The following TULP4 variants were observed in gnomAD, a reference collection of about 807,000 sequenced individuals.
The protein encoded by TULP4 is tubby-related protein 4.
A neutral mutation model predicts 129.0 loss-of-function variants in TULP4; 16 were observed. The observed-to-expected ratio is 0.12, with a 90% CI of 0.08 to 0.19. The LOEUF is 0.19. TULP4 is among the 10% of genes least tolerant of loss of function. The probability of loss-of-function intolerance (pLI) is 1.00; values close to 1 mark genes in which losing one functional copy is unlikely to be tolerated. For missense variants in TULP4, 1,842 were observed against 2,059.1 expected, an observed-to-expected ratio of 0.89 and a Z score of 2.04; for synonymous variants, 998 against 854.0, an observed-to-expected ratio of 1.17 and a Z score of -2.94.
chr6:158,503,639 G>A lies in TULP4; in HGVS notation c.3976G>A (p.Val1326Ile). 4 of 1,614,072 alleles carry A rather than the reference G, an allele frequency of 2.5e-6. No homozygotes were observed. Among genetic ancestry groups the A allele is most frequent in the Non-Finnish European group, 3.4e-6 (4 of 1,180,016 alleles). ...QEVLSLTESPVPQRTEKFGKK... is the reference protein window; with the variant it reads ...QEVLSLTESPIPQRTEKFGKK... ...AGTCCTCTCCCTGACCGAAAGCCCA[G>A]TCCCCCAGCGGACAGAAAAATTTGG... is the stretch of plus-strand genomic sequence containing the variant. The change falls in exon 13 of 14, where the codon GTC becomes ATC. Residue 1326 changes from valine (V) to isoleucine (I), a missense_variant. Transcript: ENST00000367097. This position sits in a 1 kb window ranked among gnomAD's most constrained non-coding sequence, Gnocchi z 4.3.
intron 9 of TULP4, among the ~76,000 whole-genome samples, chr6:158,491,183 G>A (rs959170397): frequency 2.6e-5 from 4 of 152,098 alleles, no homozygotes; most frequent in Non-Finnish European, 4.4e-5. Flanking sequence ...CCTCAGCAGC[G>A]GCTCTGTTGT....
intron 1 of TULP4, chr6:158,238,058 C>A: frequency 1.4e-6 from 1 of 703,758 alleles, no homozygotes; most frequent in South Asian, 1.5e-5. Flanking sequence ...GTGAAGACAT[C>A]AGTGGTACTA....
In TULP4 at chr6:158,509,341, C is replaced by T. The variant is rs1357451240; in HGVS notation, c.*2647C>T. 1 of 151,648 alleles carries T rather than the reference C, an allele frequency of 6.6e-6. No homozygotes were observed. Among genetic ancestry groups the T allele is most frequent in the Non-Finnish European group, 1.5e-5 (1 of 67,910 alleles). The allele number at this position is 151,648 out of a possible 1,614,324, so 9.4% of individuals were successfully genotyped here. ...GATAACACTCAAATAGTATTCTCTT[C>T]TTTTGAAAATTTTATTTTTATCTGA... On this transcript the variant is annotated 3_prime_UTR_variant, in exon 14 of 14. Transcript: ENST00000367097.
At chr6:158,350,265 TCCTCACATCCCAGACGATGGGC>T (rs1780480383) in intron 1 of TULP4, among the ~76,000 whole-genome samples, 2 of 4,490 alleles carry the variant, frequency 4.5e-4, no homozygotes, top group Non-Finnish European at 2.0e-3. Flanking sequence ...GCAGAGGGGC[TCCTCACATCCCAGACGATGGGC>T]GGCCAGGCAG....
chr6:158,461,705 C>T lies in TULP4; in HGVS notation c.1002C>T (p.Ile334=), dbSNP rs1562576376. 2 of 1,614,060 alleles carry T rather than the reference C, an allele frequency of 1.2e-6. No individual in the cohort carries two copies. The highest frequency in any genetic ancestry group is 1.1e-5 in the South Asian group (1 of 91,082). ...VKFYNVRGEH[I]FTLDTLVQRP... ...TCTACAATGTTCGTGGGGAGCACAT[C>T]TTCACACTGGACACTCTCGTGCAGG... Residue 334 remains isoleucine, a synonymous_variant, in exon 6 of 14, where the codon ATC becomes ATT. Transcript: ENST00000367097.
At chr6:158,338,411 G>T (rs1369037754) in intron 1 of TULP4, among the ~76,000 whole-genome samples, 2 of 152,186 alleles carry the variant, frequency 1.3e-5, no homozygotes, top group African/African-American at 4.8e-5. Context: ...TAGTGAACAT[G>T]ATATTGCAAT....
intron 8 of TULP4, among the ~76,000 whole-genome samples, chr6:158,482,577 G>A (rs148708080): frequency 1.9e-3 from 292 of 152,282 alleles, no homozygotes; most frequent in African/African-American, 6.6e-3. Context: ...AGAGAGAAGC[G>A]CATGTTCACG....
chr6:158,249,368 CAG>C (rs1173052244), intron 1 of TULP4, among the ~76,000 whole-genome samples: 1 of 145,304 alleles, frequency 6.9e-6, no homozygotes, highest in African/African-American at 2.5e-5. Context: ...TAATAAAAGA[CAG>C]AAAGCTCACA....
rs764532197 is a variant in TULP4 at position 158,502,577 on chromosome 6, C to CG, written c.2920dup (p.Ala974GlyfsTer8). Reference sequence around the variant, plus strand: ...AATTGCCAGCCAGCTGGCCCAGGGGCGGGGGGCTGCCCAGAGGTCCGACAA... The same window carrying CG: ...AATTGCCAGCCAGCTGGCCCAGGGGCGGGGGGGCTGCCCAGAGGTCCGACAA... On this transcript the variant is annotated frameshift_variant, in exon 13 of 14. Transcript: ENST00000367097. LOFTEE classifies it high-confidence loss of function. 6.2e-7 allele frequency: 1 copy of CG among 1,603,876 alleles called. No homozygotes were observed.
At chr6:158,348,791 T>G (rs1183846099) in intron 1 of TULP4, among the ~76,000 whole-genome samples, 669 of 55,930 alleles carry the variant, frequency 0.012, no homozygotes, top group Middle Eastern at 0.05. Flanking sequence ...TCACTTCCTA[T>G]ACGGGGCGGC....
At chr6:158,270,582 C>T (rs1778530010) in intron 1 of TULP4, among the ~76,000 whole-genome samples, 2 of 152,220 alleles carry the variant, frequency 1.3e-5, no homozygotes, top group South Asian at 4.1e-4. Context: ...GTTAGCGTCT[C>T]TGGCCTGAGT....
chr6:158,257,500 C>T (rs1192477498), intron 1 of TULP4, among the ~76,000 whole-genome samples: 1 of 152,184 alleles, frequency 6.6e-6, no homozygotes, highest in African/African-American at 2.4e-5. Flanking sequence ...TGTTGTGCAG[C>T]CGCCATGGTG....
intron 1 of TULP4, among the ~76,000 whole-genome samples, chr6:158,296,810 A>G (rs1394076672): frequency 6.6e-6 from 1 of 152,162 alleles, no homozygotes; most frequent in African/African-American, 2.4e-5. Context: ...AGGGATTTCA[A>G]AAGGGGAGGG....
chr6:158,295,103 G>A (rs1779005511), intron 1 of TULP4, among the ~76,000 whole-genome samples: 1 of 152,116 alleles, frequency 6.6e-6, no homozygotes, highest in Admixed American at 6.5e-5. Flanking sequence ...ATTTTCTACT[G>A]TATATTTTTG....
At chr6:158,263,371 T>G (rs17577392) in intron 1 of TULP4, among the ~76,000 whole-genome samples, 50,000 of 152,074 alleles carry the variant, frequency 0.33, 9,211 homozygotes, top group Admixed American at 0.45. Flanking sequence ...CAACCTCAAG[T>G]TGGTTTTATT....
chr6:158,301,874 A>T (rs1054057888), intron 1 of TULP4, among the ~76,000 whole-genome samples: 1 of 28,748 alleles, frequency 3.5e-5, no homozygotes, highest in African/African-American at 1.1e-4. Flanking sequence ...AAATGCCTAA[A>T]GTAGGTCTTA....
intron 1 of TULP4, chr6:158,242,688 G>C: frequency 1.7e-6 from 1 of 603,182 alleles, no homozygotes. Context: ...ATGCAGGCCA[G>C]TTACATCATC....
chr6:158,386,784 C>CTATCTG (rs71030164), intron 1 of TULP4, among the ~76,000 whole-genome samples: 2 of 151,306 alleles, frequency 1.3e-5, no homozygotes, highest in African/African-American at 2.4e-5. Flanking sequence ...TCTGTTTTCT[C>CTATCTG]TATTTGTAAA....
chr6:158,374,892 A>G (rs141615656), intron 1 of TULP4, among the ~76,000 whole-genome samples: 3 of 152,282 alleles, frequency 2.0e-5, no homozygotes, highest in African/African-American at 7.2e-5. Flanking sequence ...CATAGTTATC[A>G]AGGTGTTATT....
Sources: allele counts gnomAD v4.1 joint callset (sites outside exome capture counted in the v4.1 genomes callset), GRCh38; gene constraint gnomAD v4.1.1; non-coding constraint Gnocchi (gnomAD v3.1); transcripts MANE v1.5; gene names NCBI Gene and HGNC (gene_info 2026-07-23, HGNC 2026-07-21).